The following HECW2 variants were observed in gnomAD, a reference collection of about 807,000 sequenced individuals.
HECW2 encodes HECT, C2 and WW domain containing E3 ubiquitin protein ligase 2, also known as E3 ubiquitin-protein ligase HECW2.
HECW2 carries 61 observed loss-of-function variants against 175.2 expected under a neutral mutation model. The observed-to-expected ratio is 0.35, with a 90% CI of 0.28 to 0.43. HECW2 has a LOEUF of 0.43. HECW2 is among the 20% of genes least tolerant of loss of function. HECW2 has a pLI of 1.00. For synonymous variants in HECW2, 671 were observed against 731.0 expected, an observed-to-expected ratio of 0.92 and a Z score of 1.32; for missense variants, 1,524 against 2,000.5, an observed-to-expected ratio of 0.76 and a Z score of 4.54.
intron 14 of HECW2, among the ~76,000 whole-genome samples, chr2:196,283,648 C>T (rs547110675): frequency 5.3e-5 from 8 of 152,142 alleles, no homozygotes; most frequent in South Asian, 2.1e-4. Context: ...CTCAAAGTGT[C>T]GGAATTACAG....
intron 23 of HECW2, among the ~76,000 whole-genome samples, chr2:196,224,549 G>A (rs1687780460): frequency 6.6e-6 from 1 of 152,142 alleles, no homozygotes; most frequent in Non-Finnish European, 1.5e-5. Context: ...AACCCGCAAA[G>A]TACAGTGTCA....
At chr2:196,570,044 T>C (rs1036821016) in intron 1 of HECW2, among the ~76,000 whole-genome samples, 2 of 152,186 alleles carry the variant, frequency 1.3e-5, no homozygotes, top group African/African-American at 4.8e-5. Context: ...TTTCTGAAAA[T>C]AAAAGACACA....
At chr2:196,518,632 G>A in intron 1 of HECW2, among the ~76,000 whole-genome samples, 1 of 132,540 alleles carries the variant, frequency 7.5e-6, no homozygotes, top group Admixed American at 9.0e-5. Flanking sequence ...TCCAGCCTAG[G>A]CAACAGAGCG....
Position 196,288,122 on chromosome 2 carries a change from G to C in HECW2, c.3000+4443C>G, listed in dbSNP as rs900230121. On this transcript the variant is annotated intron_variant, in intron 14 of 28. Transcript: ENST00000644978. Reference sequence around the variant, plus strand: ...AAGAAGAGGCATTTAGGGTAAAAGAGCAATGTCTAGGAAAGGGATGGTTAG... The same window carrying C: ...AAGAAGAGGCATTTAGGGTAAAAGACCAATGTCTAGGAAAGGGATGGTTAG... 3.9e-5 allele frequency: 6 copies of C among 152,238 alleles called. No individual in the cohort carries two copies. The East Asian group carries it at 7.7e-4, about 20-fold the overall frequency. 9.4% of individuals were successfully genotyped at this position (152,238 alleles called of 1,614,324 possible).
chr2:196,536,904 G>A (rs1267831089), intron 1 of HECW2, among the ~76,000 whole-genome samples: 1 of 152,188 alleles, frequency 6.6e-6, no homozygotes, highest in East Asian at 1.9e-4. Flanking sequence ...AGCAAGTCCA[G>A]AGGTCCCCAA....
At chr2:196,591,204 C>G (rs1376961340) in intron 1 of HECW2, among the ~76,000 whole-genome samples, 1 of 152,122 alleles carries the variant, frequency 6.6e-6, no homozygotes, top group Non-Finnish European at 1.5e-5. Flanking sequence ...GATGGTGAAG[C>G]GAATGTCTTA....
intron 13 of HECW2, among the ~76,000 whole-genome samples, chr2:196,302,759 C>A (rs60514390): frequency 6.6e-6 from 1 of 152,146 alleles, no homozygotes; most frequent in Non-Finnish European, 1.5e-5. Flanking sequence ...AATTTTTGCA[C>A]ACTGATTTTG....
chr2:196,255,307 C>T (rs1051988499), intron 18 of HECW2, among the ~76,000 whole-genome samples: 5 of 151,846 alleles, frequency 3.3e-5, no homozygotes, highest in Admixed American at 6.6e-5. Context: ...CTTTGTTTTA[C>T]ATGTTGTAAA....
intron 23 of HECW2, 68 bp from the exon 24 acceptor site, chr2:196,222,408 G>T (rs1687702717): frequency 2.8e-6 from 4 of 1,449,982 alleles, no homozygotes; most frequent in Admixed American, 3.8e-5. Context: ...GAGTCATAAG[G>T]AAAGAAACTA....
chr2:196,453,232 CTCTT>C (rs1176505295), intron 1 of HECW2, among the ~76,000 whole-genome samples: 2 of 152,212 alleles, frequency 1.3e-5, no homozygotes, highest in African/African-American at 4.8e-5. Flanking sequence ...TCAGTAGTGA[CTCTT>C]TCTTCTTTTA....
At chr2:196,568,723 C>T (rs566039732) in intron 1 of HECW2, among the ~76,000 whole-genome samples, 1 of 152,256 alleles carries the variant, frequency 6.6e-6, no homozygotes, top group East Asian at 1.9e-4. Context: ...TCCTAGTCAG[C>T]CACACAATCG....
intron 21 of HECW2, among the ~76,000 whole-genome samples, chr2:196,236,453 ACATT>A (rs1301708659): frequency 6.6e-6 from 1 of 151,726 alleles, no homozygotes; most frequent in East Asian, 1.9e-4. Flanking sequence ...TTAGTATAAT[ACATT>A]TGTTATAATT....
chr2:196,494,620 G>A (rs959359271), intron 1 of HECW2, among the ~76,000 whole-genome samples: 5 of 152,162 alleles, frequency 3.3e-5, no homozygotes, highest in Non-Finnish European at 7.3e-5. Context: ...ACAATTGAGG[G>A]TGGATAGTTG....
At chr2:196,544,752 T>C (rs551762238) in intron 1 of HECW2, among the ~76,000 whole-genome samples, 79 of 152,284 alleles carry the variant, frequency 5.2e-4, no homozygotes, top group African/African-American at 1.8e-3. Context: ...CCTGTTGCCA[T>C]GCCCTTTTTA....
rs79492028 is a variant in HECW2, at chr2:196,514,170, C to T, written c.-36+79338G>A. On this transcript the variant is annotated intron_variant, in intron 1 of 28. Transcript: ENST00000644978. ...CTCAGAAGTACCTGTTCCAACTGCC[C>T]GGCCTCTCCCTGCTTCTAGTGCCCA... Among the ~76,000 whole-genome samples, 528 of 152,314 alleles carry T rather than the reference C, an allele frequency of 3.5e-3. 3 individuals are homozygous for T. The highest frequency in any genetic ancestry group is 6.0e-3 in the Non-Finnish European group (409 of 68,026).
intron 1 of HECW2, among the ~76,000 whole-genome samples, chr2:196,586,265 T>C (rs1489149074): frequency 6.6e-6 from 1 of 152,222 alleles, no homozygotes; most frequent in East Asian, 1.9e-4. Flanking sequence ...TTAATAATTC[T>C]CCCTTCCCTC....
chr2:196,318,558 T>G lies in HECW2; in HGVS notation c.2332A>C (p.Thr778Pro). ...EGATAQEEGA[T>P]GGSQANGHQP... Reference sequence around the variant, plus strand: ...AGTGGTGTCCATATCCTACCTCCAGTAGCGCCCTCCTCCTGGGCAGTTGCC... The same window carrying G: ...AGTGGTGTCCATATCCTACCTCCAGGAGCGCCCTCCTCCTGGGCAGTTGCC... Residue 778 changes from threonine (T) to proline (P), a missense_variant, in exon 9 of 29, where the codon ACT becomes CCT. Thr to Pro is a conservative substitution (Grantham distance 38, BLOSUM62 -1). Transcript: ENST00000644978. 2 of 1,509,564 alleles carry G rather than the reference T, an allele frequency of 1.3e-6. No individual in the cohort carries two copies. Among genetic ancestry groups the G allele is most frequent in the East Asian group, 4.6e-5 (2 of 43,088 alleles). The allele number at this position is 1,509,564 out of a possible 1,614,324, so 93.5% of individuals were successfully genotyped here.
At chr2:196,533,303 T>G (rs1275665410) in intron 1 of HECW2, among the ~76,000 whole-genome samples, 1 of 152,262 alleles carries the variant, frequency 6.6e-6, no homozygotes. Flanking sequence ...TAGCAACCAA[T>G]GACCTCTATC....
chr2:196,566,942 C>A (rs948546113), intron 1 of HECW2, among the ~76,000 whole-genome samples: 1 of 152,124 alleles, frequency 6.6e-6, no homozygotes, highest in African/African-American at 2.4e-5. Context: ...GATTGCTAGG[C>A]ATTCCCCAAA....
Sources: gnomAD v4.1 joint callset for allele counts (sites outside exome capture counted in the v4.1 genomes callset) on GRCh38, gnomAD v4.1.1 for gene constraint, MANE v1.5 for transcripts, NCBI Gene and HGNC (gene_info 2026-07-23, HGNC 2026-07-21) for gene names.